FTSJ1: variants seen among roughly 807,000 people sequenced by gnomAD.
FTSJ1 encodes the protein FtsJ RNA 2'-O-methyltransferase 1.
Under a neutral mutation model 28.5 loss-of-function variants are expected in FTSJ1, and 3 were observed. The ratio of observed to expected loss-of-function variants is 0.11; its 90% CI spans 0.05 to 0.27. The LOEUF is 0.27. FTSJ1 is among the 10% of genes least tolerant of loss of function. FTSJ1 has a pLI of 1.00. For missense variants in FTSJ1, 162 were observed against 279.0 expected (o/e 0.58, Z 2.99); for synonymous variants, 104 against 113.9 (o/e 0.91, Z 0.55).
At position 48,483,073 on chromosome X, in the gene FTSJ1, A is replaced by G. The variant is rs782234988; in HGVS notation, c.*9+46A>G. On this transcript the variant is annotated intron_variant, in intron 12 of 12. Coordinates refer to ENST00000348411, the MANE Select transcript of FTSJ1 (RefSeq NM_012280.4). ...AAGAGTTTGAGTAAGGGCAACCTTT[A>G]TGAAAAACCTCAGTAAAATTTCACC... 7.1e-6 allele frequency: 7 copies of G among 991,061 alleles called. No individual in the cohort carries two copies. The South Asian group carries it at 1.4e-4, about 19-fold the overall frequency. 81.7% of individuals were successfully genotyped at this position (991,061 alleles called of 1,213,427 possible).
chrX:48,479,095 G>T lies in FTSJ1; in HGVS notation c.340G>T (p.Val114Leu). The change falls in exon 5 of 13, where the codon GTG becomes TTG. Residue 114 changes from valine (V) to leucine (L), a missense_variant. Val to Leu is a conservative substitution (Grantham distance 32). Coordinates refer to ENST00000348411, the MANE Select transcript of FTSJ1 (RefSeq NM_012280.4). ...TAAGGGCTGCCCTGCGGACCTAGTGGTGTGTGACGGGGCTCCTGATGGTAA... is the reference window on the plus strand; with the variant it reads ...TAAGGGCTGCCCTGCGGACCTAGTGTTGTGTGACGGGGCTCCTGATGGTAA... ...HFKGCPADLV[V>L]CDGAPDVTGL... The T allele has an allele frequency of 8.3e-7, 1 of 1,204,590 alleles. No individual in the cohort carries two copies. Among genetic ancestry groups the T allele is most frequent in the African/African-American group, 1.7e-5 (1 of 57,812 alleles).
chrX:48,485,085 G>C (rs1556969737), intron 12 of FTSJ1, among the ~76,000 whole-genome samples: 1 of 111,515 alleles, frequency 9.0e-6, no homozygotes, highest in African/African-American at 3.3e-5. Flanking sequence ...CCTGAGGTCA[G>C]GAGTTCAAGA....
chrX:48,483,246 G>A (rs1045877594), intron 12 of FTSJ1: 25 of 421,961 alleles, frequency 5.9e-5, no homozygotes, highest in South Asian at 1.4e-4. Context: ...GTCAGGTGTT[G>A]TTCTAGGTTT....
At chrX:48,479,841 T>C in intron 5 of FTSJ1, among the ~76,000 whole-genome samples, 1 of 107,995 alleles carries the variant, frequency 9.3e-6, no homozygotes, top group Non-Finnish European at 1.9e-5. Flanking sequence ...AGACCCTCTC[T>C]CTAAAAAAAC....
chrX:48,476,207 C>G lies in FTSJ1; in HGVS notation c.-277C>G. 3.4e-6 allele frequency: 1 copy of G among 298,235 alleles called. No homozygotes were observed. Among genetic ancestry groups the G allele is most frequent in the Non-Finnish European group, 5.9e-6 (1 of 170,414 alleles). 24.6% of individuals were successfully genotyped at this position (298,235 alleles called of 1,213,427 possible). A position where few individuals can be genotyped will look rare whatever the true frequency, so the allele number is the denominator to read the frequency against. ...CGGGGCTCACGTTGTACGTTCACAT[C>G]AGGTCCCGGCCCGCCGGAACCTGGG... On this transcript the variant is annotated 5_prime_UTR_variant, in exon 1 of 13. In the 5' UTR this introduces an upstream ATG that the reference lacks. Transcript: ENST00000348411.
Position 48,478,609 on chromosome X carries a change from G to T in FTSJ1, c.192-8G>T, listed in dbSNP as rs782184142. 1.2e-5 allele frequency: 15 copies of T among 1,203,962 alleles called. No individual in the cohort carries two copies. The highest frequency in any genetic ancestry group is 1.6e-5 in the Non-Finnish European group (14 of 890,242). On this transcript the variant is annotated splice_region_variant and splice_polypyrimidine_tract_variant and intron_variant, in intron 3 of 12. Coordinates refer to ENST00000348411, the MANE Select transcript of FTSJ1 (RefSeq NM_012280.4). ...AAACTAGGCTGATGTGGGCCATGTT[G>T]TCCACAGGGGCCAAGGGTCCGGCCA...
Position 48,478,514 on chromosome X carries a change from A to G in FTSJ1, c.187A>G (p.Ile63Val), listed in dbSNP as rs782099600. The G allele has an allele frequency of 1.2e-5, 15 of 1,207,955 alleles. No individual in the cohort carries two copies. The African/African-American group carries it at 2.6e-4, about 21-fold the overall frequency. Residue 63 changes from isoleucine (I) to valine (V), a missense_variant, in exon 3 of 13, where the codon ATC becomes GTC. Coordinates refer to ENST00000348411, the MANE Select transcript of FTSJ1 (RefSeq NM_012280.4). ...CTGGAGCCAGGTGCTGAGCCAGAAG[A>G]TCGGGTAAGTGTGGGGGTCCCAGAT... Reference protein sequence around the residue: ...GSWSQVLSQKIGGQGSGHVVA... With the variant: ...GSWSQVLSQKVGGQGSGHVVA...
intron 1 of FTSJ1, chrX:48,476,796 C>T (rs1199361171): frequency 9.0e-6 from 1 of 111,359 alleles, no homozygotes; most frequent in African/African-American, 3.3e-5. Context: ...AACTGTTGTT[C>T]ATTGATTGAT....
Position 48,476,250 on chromosome X carries a change from TTTGCC to T in FTSJ1, c.-233_-229del. ...AACCTGGGCGATCCACGATGCCGAGTTTGCCACGCTGCGACAGCCCATAGGCTTGC... is the reference window on the plus strand; with the variant it reads ...AACCTGGGCGATCCACGATGCCGAGTACGCTGCGACAGCCCATAGGCTTGC... On this transcript the variant is annotated 5_prime_UTR_variant, in exon 1 of 13. An upstream open reading frame in the 5' UTR loses its in-frame stop. Coordinates refer to ENST00000348411, the MANE Select transcript of FTSJ1 (RefSeq NM_012280.4). 3.4e-6 allele frequency: 1 copy of T among 297,929 alleles called. No homozygotes were observed. 24.6% of individuals were successfully genotyped at this position (297,929 alleles called of 1,213,427 possible). A position where few individuals can be genotyped will look rare whatever the true frequency, so the allele number is the denominator to read the frequency against.
intron 12 of FTSJ1, among the ~76,000 whole-genome samples, chrX:48,484,248 T>C (rs1481860136): frequency 9.1e-6 from 1 of 110,452 alleles, no homozygotes; most frequent in East Asian, 2.8e-4. Flanking sequence ...TTTGTATTTT[T>C]AGTAGAGATG....
Position 48,482,622 on chromosome X carries a change from A to G in FTSJ1, c.785A>G (p.Tyr262Cys). 1 of 1,203,059 alleles carries G rather than the reference A, an allele frequency of 8.3e-7. No homozygotes were observed. Among genetic ancestry groups the G allele is most frequent in the Non-Finnish European group, 1.1e-6 (1 of 890,878 alleles). ...LDLEGGSEYK[Y>C]TPPTQPPISP... ...CTAGAGGGCGGCTCAGAGTACAAGT[A>G]CACTCCACCCACACAGCCCCCCATC... The change falls in exon 11 of 13, where the codon TAC becomes TGC. Residue 262 changes from tyrosine (Y) to cysteine (C), a missense_variant. Tyr to Cys is a radical substitution (Grantham distance 194). Transcript: ENST00000348411.
intron 12 of FTSJ1, among the ~76,000 whole-genome samples, chrX:48,485,339 A>G (rs1227080358): frequency 1.8e-5 from 2 of 111,541 alleles, no homozygotes; most frequent in Non-Finnish European, 1.9e-5. Flanking sequence ...AGCACTATCT[A>G]TAGTATATGC....
chrX:48,483,720 G>A (rs1210416735), intron 12 of FTSJ1, among the ~76,000 whole-genome samples: 1 of 110,745 alleles, frequency 9.0e-6, no homozygotes, highest in Non-Finnish European at 1.9e-5. Flanking sequence ...TACTGGGCTC[G>A]AGCGATCTGC....
At chrX:48,479,876 GC>G (rs1569474116) in intron 5 of FTSJ1, among the ~76,000 whole-genome samples, 29 of 110,915 alleles carry the variant, frequency 2.6e-4, no homozygotes, top group Middle Eastern at 9.3e-3. Context: ...GGGCACAGTG[GC>G]TCACGCCTGT....
At chrX:48,477,895 C>T in intron 1 of FTSJ1, 66 bp from the exon 2 acceptor site, 1 of 819,853 alleles carries the variant, frequency 1.2e-6, no homozygotes, top group Non-Finnish European at 1.8e-6. Flanking sequence ...AGCCCATCTT[C>T]TGTGTGAGCT....
rs1241728154 is a variant in FTSJ1, at chrX:48,482,490, G to A, written c.743G>A (p.Arg248His). ...CGDLSSYDSD[R>H]SYPLDLEGGS... ...GACCTGAGCTCCTATGATTCGGACCGCAGTTACCCACTGGACGTGAGTGCC... is the reference window on the plus strand; with the variant it reads ...GACCTGAGCTCCTATGATTCGGACCACAGTTACCCACTGGACGTGAGTGCC... Residue 248 changes from arginine to histidine, a missense_variant, in exon 10 of 13, where the codon CGC (arginine) becomes CAC (histidine). Physicochemically the swap from Arg to His is conservative, Grantham distance 29. Coordinates refer to ENST00000348411, the MANE Select transcript of FTSJ1 (RefSeq NM_012280.4). 11 of 1,198,778 alleles carry A rather than the reference G, an allele frequency of 9.2e-6. No homozygotes were observed. Among genetic ancestry groups the A allele is most frequent in the South Asian group, 1.8e-5 (1 of 56,260 alleles).
intron 8 of FTSJ1, 21 bp from the exon 9 acceptor site, chrX:48,481,611 C>T: frequency 8.6e-7 from 1 of 1,164,701 alleles, no homozygotes; most frequent in Non-Finnish European, 1.2e-6. Flanking sequence ...AGTCATGCCT[C>T]ACTCCACCTT....
In FTSJ1 at chrX:48,482,582, CCT is replaced by C; in HGVS notation, c.760-12_760-11del. ...ACCAGGTCCTCACCATCTCCCTACCCCTCTGTCCCTGCAGCTAGAGGGCGGCT... is the reference window on the plus strand; with the variant it reads ...ACCAGGTCCTCACCATCTCCCTACCCCTGTCCCTGCAGCTAGAGGGCGGCT... On this transcript the variant is annotated splice_polypyrimidine_tract_variant and intron_variant, in intron 10 of 12. Transcript: ENST00000348411. The C allele has an allele frequency of 8.4e-7, 1 of 1,196,779 alleles. No homozygotes were observed. Among genetic ancestry groups the C allele is most frequent in the Non-Finnish European group, 1.1e-6 (1 of 886,176 alleles).
At position 48,486,001 on chromosome X, in the gene FTSJ1, G is replaced by A. The variant is rs2061600363; in HGVS notation, c.*275G>A. The A allele has an allele frequency of 8.9e-6, 1 of 112,151 alleles. No homozygotes were observed. Among genetic ancestry groups the A allele is most frequent in the African/African-American group, 3.2e-5 (1 of 30,834 alleles). 9.2% of individuals were successfully genotyped at this position (112,151 alleles called of 1,213,427 possible). On this transcript the variant is annotated 3_prime_UTR_variant, in exon 13 of 13. Coordinates refer to ENST00000348411, the MANE Select transcript of FTSJ1 (RefSeq NM_012280.4). The stretch of plus-strand genomic sequence containing the variant: ...TGTCCAGAATTTTCCCTAAAGGCAG[G>A]GATTCTTAACCTGGATAGAAGCCAG...
Sources: gnomAD v4.1 joint callset for allele counts (sites outside exome capture counted in the v4.1 genomes callset) on GRCh38, gnomAD v4.1.1 for gene constraint, MANE v1.5 for transcripts, NCBI Gene and HGNC (gene_info 2026-07-23, HGNC 2026-07-21) for gene names.